The following C3orf70 variants were observed in gnomAD, a reference collection of about 807,000 sequenced individuals.
The protein encoded by C3orf70 is chromosome 3 open reading frame 70.
In C3orf70, 15 loss-of-function variants were observed where a neutral mutation model predicts 20.7. The ratio of observed to expected loss-of-function variants is 0.72; its 90% CI spans 0.48 to 1.11. The LOEUF is 1.11. Among genes scored for constraint, C3orf70 ranks in the 50% most tolerant of loss-of-function variants. C3orf70 has a pLI of 0.00. For synonymous variants in C3orf70, 161 were observed against 125.7 expected (o/e 1.28, Z -1.88); for missense variants, 332 against 317.6 (o/e 1.05, Z -0.34).
intron 1 of C3orf70, among the ~76,000 whole-genome samples, chr3:185,128,400 C>T (rs374353162): frequency 1.5e-4 from 23 of 152,046 alleles, no homozygotes; most frequent in Non-Finnish European, 2.9e-4. Context: ...TGGTGGCACA[C>T]GCCTGTAATC....
Position 185,080,251 on chromosome 3 carries a change from G to T in C3orf70, c.*2756C>A, listed in dbSNP as rs1715302574. ...GAGTTTTTAATTATAAAGAGATTGT[G>T]CAAATACATAAGGTGATTATCAACT... On this transcript the variant is annotated 3_prime_UTR_variant, in exon 2 of 2. Transcript: ENST00000335012. 1 of 152,632 alleles carries T rather than the reference G, an allele frequency of 6.6e-6. No individual in the cohort carries two copies. The highest frequency in any genetic ancestry group is 3.2e-3 in the Middle Eastern group (1 of 316). The allele number at this position is 152,632 out of a possible 1,614,324, so 9.5% of individuals were successfully genotyped here.
intron 1 of C3orf70, among the ~76,000 whole-genome samples, chr3:185,097,004 C>T (rs1715723076): frequency 1.3e-5 from 2 of 152,150 alleles, no homozygotes; most frequent in Admixed American, 1.3e-4. Context: ...CTTGGGTATT[C>T]TCCCAAGGCC....
At position 185,094,251 on chromosome 3, in the gene C3orf70, T is replaced by C. The variant is rs144027721; in HGVS notation, c.197-10688A>G. ...AGCCACCACACCTGGCTAGTTTTTA[T>C]ATTTTTGTAGAGACTGAGTTTCACC... On this transcript the variant is annotated intron_variant, in intron 1 of 1. Coordinates refer to ENST00000335012, the MANE Select transcript of C3orf70 (RefSeq NM_001025266.3). 1.1e-4 allele frequency among the ~76,000 whole-genome samples: 16 copies of C among 152,108 alleles called. No homozygotes were observed. The East Asian group carries it at 3.1e-3, about 29-fold the overall frequency.
intron 1 of C3orf70, among the ~76,000 whole-genome samples, chr3:185,134,125 A>ATATATATATATATATATATATT (rs71298570): frequency 4.1e-5 from 6 of 145,934 alleles, no homozygotes; most frequent in South Asian, 2.2e-4. Flanking sequence ...TCATATATAT[A>ATATATATATATATATATATATT]TAGAGGAGAT....
chr3:185,108,840 G>C (rs1017114770), intron 1 of C3orf70, among the ~76,000 whole-genome samples: 2 of 152,212 alleles, frequency 1.3e-5, no homozygotes, highest in African/African-American at 4.8e-5. Flanking sequence ...TTATGTACAT[G>C]TATGTGTGGA....
intron 1 of C3orf70, among the ~76,000 whole-genome samples, chr3:185,128,709 AAC>A (rs1330099601): frequency 6.6e-6 from 1 of 152,162 alleles, no homozygotes; most frequent in African/African-American, 2.4e-5. Flanking sequence ...TTTTATGTAA[AAC>A]AGATAAACAG....
chr3:185,146,142 T>C (rs781745764), intron 1 of C3orf70, among the ~76,000 whole-genome samples: 3 of 152,088 alleles, frequency 2.0e-5, no homozygotes, highest in African/African-American at 4.8e-5. Context: ...GCTTTCTCTA[T>C]CTCTGGAAGA....
intron 1 of C3orf70, among the ~76,000 whole-genome samples, chr3:185,093,151 T>A (rs1224784408): frequency 1.3e-5 from 2 of 152,142 alleles, no homozygotes; most frequent in African/African-American, 4.8e-5. Flanking sequence ...TATCTGGATT[T>A]CAGTCAAGTA....
In C3orf70 at chr3:185,081,997, ATTAAT is replaced by A. The variant is rs997454598; in HGVS notation, c.*1005_*1009del. 20 of 152,390 alleles carry A rather than the reference ATTAAT, an allele frequency of 1.3e-4. No individual in the cohort carries two copies. The highest frequency in any genetic ancestry group is 4.2e-4 in the South Asian group (2 of 4,818). 9.4% of individuals were successfully genotyped at this position (152,390 alleles called of 1,614,324 possible). A position where few individuals can be genotyped will look rare whatever the true frequency, so the allele number is the denominator to read the frequency against. Reference sequence around the variant, plus strand: ...TAGCATTTCCATGCTAACTAAAACTATTAATTTATTTTTTTTCCTTAAGATGTCAG... The same window carrying A: ...TAGCATTTCCATGCTAACTAAAACTATTATTTTTTTTCCTTAAGATGTCAG... On this transcript the variant is annotated 3_prime_UTR_variant, in exon 2 of 2. Coordinates refer to ENST00000335012, the MANE Select transcript of C3orf70 (RefSeq NM_001025266.3).
chr3:185,089,457 T>C (rs1298860591), intron 1 of C3orf70, among the ~76,000 whole-genome samples: 3 of 152,200 alleles, frequency 2.0e-5, no homozygotes, highest in African/African-American at 7.2e-5. Context: ...ATTTGTACTT[T>C]ATCTGCAGCC....
rs1715235438 is a variant in C3orf70, at chr3:185,078,021, G to GT, written c.*4985dup. The GT allele has an allele frequency of 6.6e-6, 1 of 152,262 alleles. No homozygotes were observed. The highest frequency in any genetic ancestry group is 6.6e-5 in the Admixed American group (1 of 15,260). 9.4% of individuals were successfully genotyped at this position (152,262 alleles called of 1,614,324 possible). A position where few individuals can be genotyped will look rare whatever the true frequency, so the allele number is the denominator to read the frequency against. ...TGCAAACGTGAGTTTTGGTTTTGGGGTTGGGTACACTCCAAAACAGCAGAT... is the reference window on the plus strand; with the variant it reads ...TGCAAACGTGAGTTTTGGTTTTGGGGTTTGGGTACACTCCAAAACAGCAGAT... On this transcript the variant is annotated 3_prime_UTR_variant, in exon 2 of 2. Coordinates refer to ENST00000335012, the MANE Select transcript of C3orf70 (RefSeq NM_001025266.3).
At chr3:185,136,745 CAAAA>C (rs1219046072) in intron 1 of C3orf70, among the ~76,000 whole-genome samples, 1 of 148,036 alleles carries the variant, frequency 6.8e-6, no homozygotes, top group Non-Finnish European at 1.5e-5. Flanking sequence ...CAAAACAAAA[CAAAA>C]AAACCCACAA....
intron 1 of C3orf70, among the ~76,000 whole-genome samples, chr3:185,104,911 C>G (rs1056483582): frequency 6.6e-6 from 1 of 152,088 alleles, no homozygotes; most frequent in African/African-American, 2.4e-5. Flanking sequence ...ACAACGAACT[C>G]CTATGGCATA....
In C3orf70 at chr3:185,083,255, T is replaced by C; in HGVS notation, c.505A>G (p.Ile169Val). 6.2e-7 allele frequency: 1 copy of C among 1,614,162 alleles called. No individual in the cohort carries two copies. Among genetic ancestry groups the C allele is most frequent in the Admixed American group, 1.7e-5 (1 of 60,030 alleles). The change falls in exon 2 of 2, where the codon ATT becomes GTT. Residue 169 changes from isoleucine (I) to valine (V), a missense_variant. Transcript: ENST00000335012. ...TTTGGTGTATTGCTCTCTTTTGAAA[T>C]TAAGGCATCGTGTGCAGAGACCTCC... Reference protein sequence around the residue: ...PEEVSAHDALISKESNTPKID... With the variant: ...PEEVSAHDALVSKESNTPKID...
At chr3:185,084,562 G>A (rs1715421834) in intron 1 of C3orf70, among the ~76,000 whole-genome samples, 1 of 151,762 alleles carries the variant, frequency 6.6e-6, no homozygotes, top group East Asian at 1.9e-4. Context: ...AAGCCAAGCA[G>A]AAGCAAAGGG....
At chr3:185,096,944 G>C (rs143739093) in intron 1 of C3orf70, among the ~76,000 whole-genome samples, 1 of 152,148 alleles carries the variant, frequency 6.6e-6, no homozygotes, top group East Asian at 1.9e-4. Flanking sequence ...CTGTCCTTTG[G>C]GCTGAACCCC....
In C3orf70 at chr3:185,108,059, A is replaced by C. The variant is rs1469788530; in HGVS notation, c.197-24496T>G. Among the ~76,000 whole-genome samples, 7 of 152,336 alleles carry C rather than the reference A, an allele frequency of 4.6e-5. No homozygotes were observed. The East Asian group carries it at 1.3e-3, about 29-fold the overall frequency. On this transcript the variant is annotated intron_variant, in intron 1 of 1. Coordinates refer to ENST00000335012, the MANE Select transcript of C3orf70 (RefSeq NM_001025266.3). ...AGAAAAATTATTGTCCCTCTCACGA[A>C]GGCACAAATACAGCAAGCTTCTATA...
chr3:185,130,483 A>T (rs545571824), intron 1 of C3orf70, among the ~76,000 whole-genome samples: 1 of 152,268 alleles, frequency 6.6e-6, no homozygotes, highest in East Asian at 1.9e-4. Context: ...CATACCATAA[A>T]ATTTATCCTT....
At chr3:185,090,203 A>T (rs550493009) in intron 1 of C3orf70, among the ~76,000 whole-genome samples, 22 of 152,238 alleles carry the variant, frequency 1.4e-4, no homozygotes, top group African/African-American at 5.3e-4. Flanking sequence ...AGCACTGTAT[A>T]ATTACATAGC....
Sources: gnomAD v4.1 joint callset for allele counts (sites outside exome capture counted in the v4.1 genomes callset) on GRCh38, gnomAD v4.1.1 for gene constraint, MANE v1.5 for transcripts, NCBI Gene and HGNC (gene_info 2026-07-23, HGNC 2026-07-21) for gene names.